Variants in NKAIN2 observed in about 807,000 individuals in gnomAD.
NKAIN2 encodes sodium/potassium transporting ATPase interacting 2, also known as sodium/potassium-transporting ATPase subunit beta-1-interacting protein 2.
NKAIN2 carries 14 observed loss-of-function variants against 32.6 expected under a neutral mutation model. The observed-to-expected ratio is 0.43, with a 90% CI of 0.28 to 0.67. The LOEUF (loss-of-function observed/expected upper bound fraction) is 0.67. NKAIN2 is among the 30% of genes least tolerant of loss of function. NKAIN2 has a pLI of 0.17. For synonymous variants in NKAIN2, 80 were observed against 87.2 expected (o/e 0.92, Z 0.46); for missense variants, 198 against 258.3 (o/e 0.77, Z 1.60).
chr6:124,752,976 C>G (rs1162233141), intron 4 of NKAIN2, among the ~76,000 whole-genome samples: 1 of 152,034 alleles, frequency 6.6e-6, no homozygotes, highest in Non-Finnish European at 1.5e-5. Context: ...CTTGGCTCTT[C>G]ATGCTTGTGT....
intron 1 of NKAIN2, among the ~76,000 whole-genome samples, chr6:123,896,813 G>A (rs1774301349): frequency 6.6e-6 from 1 of 152,038 alleles, no homozygotes; most frequent in South Asian, 2.1e-4. Context: ...TATAACTTTA[G>A]ATCCCACCTT....
At chr6:124,779,371 GGAAGGAAGGA>G (rs1779156196) in intron 4 of NKAIN2, among the ~76,000 whole-genome samples, 1 of 149,066 alleles carries the variant, frequency 6.7e-6, no homozygotes, top group African/African-American at 2.5e-5. Context: ...AAGGAAGGAA[GGAAGGAAGGA>G]AGTCCTCCTG....
At chr6:123,939,780 C>G (rs1459146992) in intron 1 of NKAIN2, among the ~76,000 whole-genome samples, 2 of 151,942 alleles carry the variant, frequency 1.3e-5, no homozygotes, top group East Asian at 3.9e-4. Context: ...TCCAGTTTTT[C>G]AAGTCATGAT....
At chr6:124,323,122 G>A (rs1211875396) in intron 2 of NKAIN2, among the ~76,000 whole-genome samples, 1 of 152,006 alleles carries the variant, frequency 6.6e-6, no homozygotes, top group Non-Finnish European at 1.5e-5. Flanking sequence ...GAATTGTATT[G>A]TCTGGTTTTA....
rs540971324 is a variant in NKAIN2, at chr6:124,473,806, G to A, written c.273+118459G>A. 2.0e-3 allele frequency among the ~76,000 whole-genome samples: 297 copies of A among 152,234 alleles called. 1 individual carries two copies. The highest frequency in any genetic ancestry group is 6.7e-3 in the African/African-American group (279 of 41,550). On this transcript the variant is annotated intron_variant, in intron 3 of 6. Coordinates refer to ENST00000368417, the MANE Select transcript of NKAIN2 (RefSeq NM_001040214.3). ...CAATAATTCATCTGGAACCCATTGAGTGCACTGGTTTCACATCAGTTCAGT... is the reference window on the plus strand; with the variant it reads ...CAATAATTCATCTGGAACCCATTGAATGCACTGGTTTCACATCAGTTCAGT...
chr6:124,391,103 C>T (rs1031335004), intron 3 of NKAIN2: 1 of 152,070 alleles, frequency 6.6e-6, no homozygotes, highest in African/African-American at 2.4e-5. Context: ...ATAACCTGTG[C>T]ATAGATGTGG....
At chr6:124,248,414 C>T (rs1238557901) in intron 1 of NKAIN2, among the ~76,000 whole-genome samples, 3 of 151,940 alleles carry the variant, frequency 2.0e-5, no homozygotes, top group Admixed American at 1.3e-4. Context: ...TTCCCCCCCA[C>T]CGAACCTTTT....
At chr6:124,017,648 G>A (rs1780645240) in intron 1 of NKAIN2, among the ~76,000 whole-genome samples, 2 of 152,154 alleles carry the variant, frequency 1.3e-5, no homozygotes, top group South Asian at 4.1e-4. Context: ...CAGTGGGGCA[G>A]TCAAATCTTA....
intron 3 of NKAIN2, among the ~76,000 whole-genome samples, chr6:124,466,464 C>A (rs1776759543): frequency 6.6e-6 from 1 of 151,968 alleles, no homozygotes; most frequent in Non-Finnish European, 1.5e-5. Flanking sequence ...TTAATTGGGA[C>A]AGGTTAATCT....
chr6:124,169,887 G>A (rs1788760075), intron 1 of NKAIN2, among the ~76,000 whole-genome samples: 1 of 152,034 alleles, frequency 6.6e-6, no homozygotes. Flanking sequence ...GTCCATTTTG[G>A]GTCAAATGCT....
intron 1 of NKAIN2, among the ~76,000 whole-genome samples, chr6:124,090,145 ATAAGT>A (rs1784353951): frequency 6.6e-6 from 1 of 151,844 alleles, no homozygotes; most frequent in Non-Finnish European, 1.5e-5. Flanking sequence ...TGTCGAATGG[ATAAGT>A]TAAAAGGATG....
intron 1 of NKAIN2, among the ~76,000 whole-genome samples, chr6:123,966,603 A>G (rs574947998): frequency 1.3e-5 from 2 of 152,338 alleles, no homozygotes; most frequent in East Asian, 3.9e-4. Context: ...AAAAGAGCTT[A>G]CAAATGGATT....
rs952328721 is a variant in NKAIN2, at chr6:124,128,218, C to T, written c.55-154787C>T. Among the ~76,000 whole-genome samples, 4 of 152,168 alleles carry T rather than the reference C, an allele frequency of 2.6e-5. No individual in the cohort carries two copies. The South Asian group carries it at 8.3e-4, about 31-fold the overall frequency. ...AGGTCTTCACCTCACCTAAGGACAT[C>T]TGATGCTGTTGTTAGCATAGAAATC... On this transcript the variant is annotated intron_variant, in intron 1 of 6. Coordinates refer to ENST00000368417, the MANE Select transcript of NKAIN2 (RefSeq NM_001040214.3).
At chr6:124,397,987 C>T (rs2114443948) in intron 3 of NKAIN2, among the ~76,000 whole-genome samples, 1 of 152,030 alleles carries the variant, frequency 6.6e-6, no homozygotes, top group Non-Finnish European at 1.5e-5. Context: ...GGCGTGGTGG[C>T]TCACACCTGT....
At chr6:123,841,496 A>T (rs1369697583) in intron 1 of NKAIN2, among the ~76,000 whole-genome samples, 1 of 152,234 alleles carries the variant, frequency 6.6e-6, no homozygotes, top group Non-Finnish European at 1.5e-5. Flanking sequence ...CACTGCCCTT[A>T]TCACTGCAGG....
intron 1 of NKAIN2, among the ~76,000 whole-genome samples, chr6:124,091,841 A>G (rs1029071374): frequency 6.6e-6 from 1 of 151,992 alleles, no homozygotes; most frequent in African/African-American, 2.4e-5. Context: ...AATCTTCTGC[A>G]CATTCATCCT....
chr6:124,723,104 C>G (rs896266485), intron 4 of NKAIN2, among the ~76,000 whole-genome samples: 5 of 152,052 alleles, frequency 3.3e-5, no homozygotes, highest in Non-Finnish European at 5.9e-5. Context: ...GTGAAAGTAC[C>G]TCAAGATAAG....
chr6:124,320,777 C>A (rs1797144964), intron 2 of NKAIN2, among the ~76,000 whole-genome samples: 1 of 152,150 alleles, frequency 6.6e-6, no homozygotes, highest in Non-Finnish European at 1.5e-5. Flanking sequence ...ATAATGACTG[C>A]CTTATCCATT....
At chr6:124,304,130 T>C in intron 2 of NKAIN2, among the ~76,000 whole-genome samples, 1 of 152,144 alleles carries the variant, frequency 6.6e-6, no homozygotes, top group East Asian at 1.9e-4. Context: ...AGGAAAGTAA[T>C]ATTGAATGGA....
Sources: allele counts gnomAD v4.1 joint callset (sites outside exome capture counted in the v4.1 genomes callset), GRCh38; gene constraint gnomAD v4.1.1; transcripts MANE v1.5; gene names NCBI Gene and HGNC (gene_info 2026-07-23, HGNC 2026-07-21).